The following SLC25A33 variants were observed in gnomAD, a reference collection of about 807,000 sequenced individuals.
SLC25A33 encodes the protein solute carrier family 25 member 33.
In SLC25A33, 15 loss-of-function variants were observed where a neutral mutation model predicts 35.5. The observed-to-expected ratio is 0.42, with a 90% CI of 0.28 to 0.65. The LOEUF is 0.65. SLC25A33 is among the 30% of genes least tolerant of loss of function. The pLI is 0.20. For missense variants in SLC25A33, 257 were observed against 398.5 expected (o/e 0.64, Z 3.02); for synonymous variants, 136 against 148.7 (o/e 0.91, Z 0.62).
chr1:9,573,520 C>A, intron 5 of SLC25A33, 108 bp downstream of exon 5: 1 of 872,534 alleles, frequency 1.1e-6, no homozygotes, highest in Middle Eastern at 2.6e-4. Context: ...GTACCCCCCT[C>A]CTCGTTTCCT....
At position 9,550,012 on chromosome 1, in the gene SLC25A33, T is replaced by TATATATATATATATATATACATA. The variant is rs55887722; in HGVS notation, c.57-3614_57-3613insATATATATATATATATATACATA. ...TTTTCTATACATATATATATATATA[T>TATATATATATATATATATACATA]TTTTTTTTTTTTTTTTTTTTTTTTT... On this transcript the variant is annotated intron_variant, in intron 1 of 6. Transcript: ENST00000302692. 5.9e-3 allele frequency among the ~76,000 whole-genome samples: 198 copies of TATATATATATATATATATACATA among 33,792 alleles called. 6 individuals carry two copies. The highest frequency in any genetic ancestry group is 0.018 in the Middle Eastern group (1 of 56). 22.2% of individuals were successfully genotyped at this position (33,792 alleles called of 152,430 possible).
chr1:9,575,845 C>A (rs1643655636), intron 5 of SLC25A33, among the ~76,000 whole-genome samples: 1 of 152,226 alleles, frequency 6.6e-6, no homozygotes, highest in Non-Finnish European at 1.5e-5. Flanking sequence ...CTGTTCCTCT[C>A]AGGGTAAATT....
Position 9,550,798 on chromosome 1 carries a change from G to C in SLC25A33, c.57-2828G>C, listed in dbSNP as rs116173596. On this transcript the variant is annotated intron_variant, in intron 1 of 6. Transcript: ENST00000302692. The stretch of plus-strand genomic sequence containing the variant: ...AGCCATCCTCCCACGTCAGCCTCTC[G>C]AGTATCGGGACTACAGGCGCACATC... Among the ~76,000 whole-genome samples the C allele has an allele frequency of 9.4e-4, 142 of 151,712 alleles. 2 individuals are homozygous for C. Among genetic ancestry groups the C allele is most frequent in the Non-Finnish European group, 3.4e-4 (23 of 67,970 alleles).
chr1:9,570,223 A>G, intron 3 of SLC25A33, 35 bp from the exon 4 acceptor site: 1 of 1,583,974 alleles, frequency 6.3e-7, no homozygotes. Flanking sequence ...TTGCACTGTG[A>G]TGATTTCTTT....
intron 4 of SLC25A33, among the ~76,000 whole-genome samples, chr1:9,570,633 G>GT (rs1318682426): frequency 6.7e-6 from 1 of 148,460 alleles, no homozygotes; most frequent in African/African-American, 2.5e-5. Context: ...ATATTCATAG[G>GT]TTTTTCATGT....
At position 9,553,704 on chromosome 1, in the gene SLC25A33, T is replaced by C. The variant is rs754294394; in HGVS notation, c.135T>C (p.Ala45=). The change falls in exon 2 of 7, where the codon GCT becomes GCC. Residue 45 remains alanine (A), a synonymous_variant. Transcript: ENST00000302692. ...CACGGTTGCAGTCTTCAAGATTAGC[T>C]CTCCGGACAGTCTACTATCCTCAGG... The part of the protein sequence containing the change: ...IKTRLQSSRL[A]LRTVYYPQVH... 6.2e-7 allele frequency: 1 copy of C among 1,614,068 alleles called. No individual in the cohort carries two copies. The highest frequency in any genetic ancestry group is 8.5e-7 in the Non-Finnish European group (1 of 1,180,042).
chr1:9,557,091 G>A (rs962820440), intron 2 of SLC25A33, among the ~76,000 whole-genome samples: 4 of 152,054 alleles, frequency 2.6e-5, no homozygotes, highest in Non-Finnish European at 5.9e-5. Flanking sequence ...GTGCTACCAC[G>A]CCCGGCTAAT....
intron 2 of SLC25A33, among the ~76,000 whole-genome samples, chr1:9,559,830 C>T (rs1292355287): frequency 6.6e-6 from 1 of 152,060 alleles, no homozygotes; most frequent in African/African-American, 2.4e-5. Flanking sequence ...ACGGCGGTGA[C>T]GATGGTTTAC....
chr1:9,564,735 A>ATAT (rs1553146738), intron 2 of SLC25A33, among the ~76,000 whole-genome samples: 1 of 69,496 alleles, frequency 1.4e-5, no homozygotes, highest in African/African-American at 5.9e-5. Context: ...TAAAAAAAAA[A>ATAT]AAAAATATAT....
chr1:9,556,207 C>A (rs914668362), intron 2 of SLC25A33: 11 of 985,242 alleles, frequency 1.1e-5, no homozygotes, highest in Admixed American at 6.2e-5. Context: ...CGGGTGACAC[C>A]TTTCTTCTAA....
Position 9,539,485 on chromosome 1 carries a change from C to T in SLC25A33, c.-207C>T, listed in dbSNP as rs1388248613. Reference sequence around the variant, plus strand: ...GCTCTAGCTCCCCGCCGGGCTCGCGCCGCAGAGGCCGGTGAGGCGCCGGCG... The same window carrying T: ...GCTCTAGCTCCCCGCCGGGCTCGCGTCGCAGAGGCCGGTGAGGCGCCGGCG... On this transcript the variant is annotated 5_prime_UTR_variant, in exon 1 of 7. Transcript: ENST00000302692. 2.0e-5 allele frequency: 4 copies of T among 201,268 alleles called. No homozygotes were observed. The highest frequency in any genetic ancestry group is 9.4e-5 in the African/African-American group (4 of 42,470). 12.5% of individuals were successfully genotyped at this position (201,268 alleles called of 1,614,324 possible).
intron 1 of SLC25A33, among the ~76,000 whole-genome samples, chr1:9,551,112 G>A (rs1400214371): frequency 1.3e-5 from 2 of 152,004 alleles, no homozygotes; most frequent in East Asian, 1.9e-4. Context: ...GGCCAGGTGC[G>A]TGGCTCACGC....
At chr1:9,549,567 G>A (rs1041084178) in intron 1 of SLC25A33, among the ~76,000 whole-genome samples, 20 of 151,770 alleles carry the variant, frequency 1.3e-4, no homozygotes, top group Middle Eastern at 3.4e-3. Flanking sequence ...ATAGTAGGTT[G>A]AATGCCATCT....
intron 1 of SLC25A33, 32 bp from the exon 2 acceptor site, chr1:9,553,594 G>C: frequency 1.2e-6 from 2 of 1,610,540 alleles, no homozygotes; most frequent in South Asian, 2.2e-5. Context: ...GAATAGTATA[G>C]CTTCTCTGAT....
chr1:9,569,874 C>T (rs1137869), intron 3 of SLC25A33, among the ~76,000 whole-genome samples: 14 of 152,022 alleles, frequency 9.2e-5, no homozygotes, highest in African/African-American at 3.4e-4. Context: ...TTGACATTCT[C>T]ATTTTGGCAC....
chr1:9,541,207 G>A (rs1294011802), intron 1 of SLC25A33, among the ~76,000 whole-genome samples: 2 of 149,332 alleles, frequency 1.3e-5, no homozygotes, highest in African/African-American at 4.9e-5. Context: ...AGGCTGGAGT[G>A]CACTGGCGCC....
chr1:9,554,137 T>A (rs1338908452), intron 2 of SLC25A33, among the ~76,000 whole-genome samples: 1 of 152,178 alleles, frequency 6.6e-6, no homozygotes, highest in African/African-American at 2.4e-5. Flanking sequence ...AGTAAAATTT[T>A]AAAAATTGCA....
chr1:9,544,315 C>T (rs1017252451), intron 1 of SLC25A33, among the ~76,000 whole-genome samples: 22 of 149,316 alleles, frequency 1.5e-4, no homozygotes, highest in African/African-American at 5.2e-4. Context: ...GTAGCCCAGG[C>T]TGGAGTGCAG....
At chr1:9,555,510 A>G (rs1643330681) in intron 2 of SLC25A33, among the ~76,000 whole-genome samples, 1 of 152,160 alleles carries the variant, frequency 6.6e-6, no homozygotes, top group African/African-American at 2.4e-5. Flanking sequence ...GTAAAACCCA[A>G]CTATGAGTCA....
Sources: allele counts gnomAD v4.1 joint callset (sites outside exome capture counted in the v4.1 genomes callset), GRCh38; gene constraint gnomAD v4.1.1; transcripts MANE v1.5; gene names NCBI Gene and HGNC (gene_info 2026-07-23, HGNC 2026-07-21).